The following FRMPD4 variants were observed in gnomAD, a reference collection of about 807,000 sequenced individuals.
The protein encoded by FRMPD4 is FERM and PDZ domain containing 4, also known as FERM and PDZ domain-containing protein 4.
In FRMPD4, 22 loss-of-function variants were observed where a neutral mutation model predicts 94.1. That is an observed-to-expected ratio of 0.23 (90% CI 0.17 to 0.33). The LOEUF is 0.33. FRMPD4 is among the 10% of genes least tolerant of loss of function. FRMPD4 has a pLI of 1.00. For synonymous variants in FRMPD4, 631 were observed against 548.6 expected, an observed-to-expected ratio of 1.15 and a Z score of -2.10; for missense variants, 1,111 against 1,339.9, an observed-to-expected ratio of 0.83 and a Z score of 2.67.
intron 1 of FRMPD4, among the ~76,000 whole-genome samples, chrX:12,168,382 AC>A (rs1169390370): frequency 9.2e-6 from 1 of 109,131 alleles, no homozygotes; most frequent in Non-Finnish European, 1.9e-5. Flanking sequence ...AAAAAAAAAA[AC>A]AACTCTCCAA....
chrX:12,033,897 A>C (rs1480650267), intron 3 of FRMPD4, among the ~76,000 whole-genome samples: 1 of 111,642 alleles, frequency 9.0e-6, no homozygotes, highest in Non-Finnish European at 1.9e-5. Flanking sequence ...GGATTTCTTC[A>C]TATTGGTCAG....
At position 12,707,496 on chromosome X, in the gene FRMPD4, C is replaced by A. The variant is rs552910246; in HGVS notation, c.1315C>A (p.Leu439Ile). 3 of 1,206,370 alleles carry A rather than the reference C, an allele frequency of 2.5e-6. No individual in the cohort carries two copies. In the South Asian group the frequency reaches 5.4e-5, roughly 22 times the overall value. ...GGCAGAAAAGCGCTCGGAAGTGACT[C>A]TCCTGGTTGGGCCCCGGTATGGCAT... ...VQAEKRSEVT[L>I]LVGPRYGISH... Residue 439 changes from leucine (L) to isoleucine (I), a missense_variant, in exon 13 of 17, where the codon CTC becomes ATC. Leu to Ile is a conservative substitution (Grantham distance 5). Coordinates refer to ENST00000675598, the MANE Select transcript of FRMPD4 (RefSeq NM_001368397.1).
At chrX:12,195,100 C>G (rs1294582071) in intron 1 of FRMPD4, among the ~76,000 whole-genome samples, 1 of 112,207 alleles carries the variant, frequency 8.9e-6, no homozygotes, top group Non-Finnish European at 1.9e-5. Context: ...AAAATACCGA[C>G]TATACAGACA....
intron 4 of FRMPD4, among the ~76,000 whole-genome samples, chrX:12,670,940 A>C (rs1176026815): frequency 1.8e-5 from 2 of 112,686 alleles, no homozygotes; most frequent in Non-Finnish European, 3.7e-5. Context: ...ATATGAACAA[A>C]CACTTCTCAA....
intron 1 of FRMPD4, among the ~76,000 whole-genome samples, chrX:12,331,144 C>T (rs1037510165): frequency 9.1e-6 from 1 of 109,659 alleles, no homozygotes; most frequent in East Asian, 2.9e-4. Flanking sequence ...CCTCAAGCTA[C>T]AGTTTCCTGA....
At chrX:12,709,433 A>G (rs1246123928) in intron 13 of FRMPD4, among the ~76,000 whole-genome samples, 1 of 111,494 alleles carries the variant, frequency 9.0e-6, no homozygotes, top group Non-Finnish European at 1.9e-5. Flanking sequence ...TTCATCCAAC[A>G]CTTTTTTTTC....
intron 5 of FRMPD4, among the ~76,000 whole-genome samples, chrX:12,681,256 G>A (rs895434078): frequency 5.4e-5 from 6 of 111,824 alleles, no homozygotes; most frequent in East Asian, 2.8e-4. Context: ...TGTAAATACC[G>A]CCTGCCTAAA....
chrX:12,106,060 C>A (rs2055294753), intron 3 of FRMPD4, among the ~76,000 whole-genome samples: 1 of 111,887 alleles, frequency 8.9e-6, no homozygotes, highest in African/African-American at 3.3e-5. Context: ...TTTCCTTGGG[C>A]ATGTCCAGGC....
chrX:12,388,054 G>A (rs1481746535), intron 1 of FRMPD4, among the ~76,000 whole-genome samples: 3 of 110,235 alleles, frequency 2.7e-5, no homozygotes, highest in Non-Finnish European at 3.8e-5. Context: ...CTGTCATACA[G>A]TATGGTGACA....
At chrX:12,696,650 G>A (rs2060136233) in intron 9 of FRMPD4, among the ~76,000 whole-genome samples, 2 of 105,464 alleles carry the variant, frequency 1.9e-5, no homozygotes, top group Admixed American at 1.0e-4. Context: ...AAAGATTGCT[G>A]GAGCCATATA....
intron 1 of FRMPD4, among the ~76,000 whole-genome samples, chrX:12,322,542 A>G (rs1250795238): frequency 1.8e-5 from 2 of 110,126 alleles, no homozygotes; most frequent in African/African-American, 6.6e-5. Flanking sequence ...GCAAGCAGAA[A>G]GGTAGCTGGG....
chrX:12,679,834 G>C (rs1301621182), intron 5 of FRMPD4, among the ~76,000 whole-genome samples: 2 of 111,229 alleles, frequency 1.8e-5, no homozygotes, highest in Non-Finnish European at 3.8e-5. Flanking sequence ...AACAGCGAAT[G>C]CTTTACTGGT....
intron 2 of FRMPD4, among the ~76,000 whole-genome samples, chrX:12,501,863 A>G (rs1216341355): frequency 9.0e-6 from 1 of 111,695 alleles, no homozygotes; most frequent in African/African-American, 3.3e-5. Context: ...GAGAGTTCAA[A>G]ATGTGCTCAA....
chrX:11,906,115 T>TTTTATTA (rs2053965977), intron 3 of FRMPD4, among the ~76,000 whole-genome samples: 1 of 88,247 alleles, frequency 1.1e-5, no homozygotes, highest in Admixed American at 1.3e-4. Context: ...TTTCCCTTCA[T>TTTTATTA]TTTATTTATT....
chrX:12,512,237 C>G (rs762499296), intron 2 of FRMPD4, among the ~76,000 whole-genome samples: 9 of 112,416 alleles, frequency 8.0e-5, no homozygotes, highest in Non-Finnish European at 1.5e-4. Flanking sequence ...TTTTTAAGTT[C>G]TGGGATACAT....
chrX:12,685,783 C>T (rs1206059630), intron 6 of FRMPD4, among the ~76,000 whole-genome samples: 1 of 112,123 alleles, frequency 8.9e-6, no homozygotes, highest in Non-Finnish European at 1.9e-5. Context: ...CTCAAGACGT[C>T]CTGCCCTGCT....
intron 5 of FRMPD4, among the ~76,000 whole-genome samples, chrX:12,679,617 G>A (rs1320747143): frequency 8.9e-6 from 1 of 111,965 alleles, no homozygotes; most frequent in African/African-American, 3.3e-5. Context: ...CAACCTGTAT[G>A]TGGGGATGTT....
chrX:12,608,627 T>A (rs749539880), intron 2 of FRMPD4, among the ~76,000 whole-genome samples: 3 of 112,701 alleles, frequency 2.7e-5, no homozygotes, highest in Admixed American at 9.4e-5. Flanking sequence ...AGGTATTACC[T>A]TCTAAATGTC....
intron 1 of FRMPD4, among the ~76,000 whole-genome samples, chrX:12,322,748 T>G (rs1393375976): frequency 8.9e-6 from 1 of 111,943 alleles, no homozygotes; most frequent in East Asian, 2.8e-4. Flanking sequence ...AGCATTTCAT[T>G]TTTAAATAAT....
Sources: allele counts gnomAD v4.1 joint callset (sites outside exome capture counted in the v4.1 genomes callset), GRCh38; gene constraint gnomAD v4.1.1; transcripts MANE v1.5; gene names NCBI Gene and HGNC (gene_info 2026-07-23, HGNC 2026-07-21).